KIF20B: variants seen among roughly 807,000 people sequenced by gnomAD.
The protein encoded by KIF20B is kinesin family member 20B.
In KIF20B, 188 loss-of-function variants were observed where a neutral mutation model predicts 232.5. The observed-to-expected ratio is 0.81, with a 90% CI of 0.72 to 0.91. KIF20B has a LOEUF of 0.91. KIF20B is among the 40% of genes least tolerant of loss of function. KIF20B has a pLI of 0.00. For missense variants in KIF20B, 2,154 were observed against 2,055.9 expected, an observed-to-expected ratio of 1.05 and a Z score of -0.92; for synonymous variants, 712 against 683.0, an observed-to-expected ratio of 1.04 and a Z score of -0.66.
chr10:89,749,092 G>T (rs1011696504), intron 23 of KIF20B, among the ~76,000 whole-genome samples: 1 of 152,066 alleles, frequency 6.6e-6, no homozygotes, highest in African/African-American at 2.4e-5. Context: ...CAGCTTTTAT[G>T]ATCTATTCTG....
rs1046975138 is a variant in KIF20B, at chr10:89,709,222, T to G, written c.203T>G (p.Phe68Cys). Reference protein sequence around the residue: ...YLQVCLRIRPFTQSEKELESE... With the variant: ...YLQVCLRIRPCTQSEKELESE... ...CAGGTTTGTCTTCGAATAAGACCAT[T>G]TACACAGTCAGAAAAAGAACTTGAG... Residue 68 changes from phenylalanine (F) to cysteine (C), a missense_variant, in exon 3 of 33, where the codon TTT (phenylalanine) becomes TGT (cysteine). Physicochemically the swap from Phe to Cys is radical, Grantham distance 205. Coordinates refer to ENST00000371728, the MANE Select transcript of KIF20B (RefSeq NM_001284259.2). The G allele has an allele frequency of 3.7e-6, 6 of 1,611,020 alleles. No homozygotes were observed. Among genetic ancestry groups the G allele is most frequent in the Non-Finnish European group, 5.1e-6 (6 of 1,178,084 alleles).
chr10:89,711,039 A>T lies in KIF20B; in HGVS notation c.569A>T (p.Lys190Met), dbSNP rs1842828231. Residue 190 changes from lysine to methionine, a missense_variant, in exon 6 of 33, where the codon AAG (lysine) becomes ATG (methionine). Physicochemically the swap from Lys to Met is moderately conservative, Grantham distance 95. Coordinates refer to ENST00000371728, the MANE Select transcript of KIF20B (RefSeq NM_001284259.2). ...AGTCTTCAAGAAAGACTGTATACAAAGATGAACCTTAAACCACATAGATCC... is the reference window on the plus strand; with the variant it reads ...AGTCTTCAAGAAAGACTGTATACAATGATGAACCTTAAACCACATAGATCC... ...FDSLQERLYT[K>M]MNLKPHRSRE... The T allele has an allele frequency of 3.1e-6, 5 of 1,610,110 alleles. No individual in the cohort carries two copies. The highest frequency in any genetic ancestry group is 4.2e-6 in the Non-Finnish European group (5 of 1,177,856).
At chr10:89,733,251 A>G (rs1843369165) in intron 19 of KIF20B, 195 bp downstream of exon 19, 1 of 490,278 alleles carries the variant, frequency 2.0e-6, no homozygotes, top group African/African-American at 1.9e-5. Context: ...CTTAATAAAT[A>G]TGCTTTTAGA....
At chr10:89,727,960 G>A in intron 17 of KIF20B, 64 bp downstream of exon 17, 1 of 1,360,282 alleles carries the variant, frequency 7.4e-7, no homozygotes, top group South Asian at 1.4e-5. Context: ...TATGAATGAT[G>A]ACTAGATTTG....
rs770882532 is a variant in KIF20B, at chr10:89,737,626, TTAAG to T, written c.2789_2792del (p.Ser930LysfsTer32). The stretch of plus-strand genomic sequence containing the variant: ...TCTTTCTGAAAAAAAGAATTTAACT[TTAAG>T]TAAAGAGGTCCAACAAATTCAGTCA... On this transcript the variant is annotated frameshift_variant, in exon 20 of 33. Coordinates refer to ENST00000371728, the MANE Select transcript of KIF20B (RefSeq NM_001284259.2). LOFTEE classifies it high-confidence loss of function. The T allele has an allele frequency of 3.5e-5, 56 of 1,607,760 alleles. No homozygotes were observed. The highest frequency in any genetic ancestry group is 1.7e-4 in the Middle Eastern group (1 of 6,060).
intron 18 of KIF20B, among the ~76,000 whole-genome samples, chr10:89,730,000 C>T (rs981460352): frequency 3.9e-4 from 60 of 152,042 alleles, no homozygotes; most frequent in Non-Finnish European, 6.2e-4. Context: ...AAGAAGCAGG[C>T]GTGGTATCTT....
intron 25 of KIF20B, among the ~76,000 whole-genome samples, chr10:89,753,011 A>C (rs1209238805): frequency 2.0e-5 from 3 of 152,174 alleles, no homozygotes; most frequent in African/African-American, 7.2e-5. Flanking sequence ...CTTACTCATC[A>C]AATACTGCTG....
In KIF20B at chr10:89,705,329, G is replaced by A. The variant is rs761585032; in HGVS notation, c.35G>A (p.Arg12Gln). Reference protein sequence around the residue: ...ESNFNQEGVPRPSYVFSADPI... With the variant: ...ESNFNQEGVPQPSYVFSADPI... ...AATTTTAATCAAGAGGGAGTACCTCGACCATCTTATGTTTTTAGTGCTGAC... is the reference window on the plus strand; with the variant it reads ...AATTTTAATCAAGAGGGAGTACCTCAACCATCTTATGTTTTTAGTGCTGAC... Residue 12 changes from arginine to glutamine, a missense_variant, in exon 2 of 33, where the codon CGA (arginine) becomes CAA (glutamine). By Grantham distance (43) the Arg-to-Gln change is conservative. Transcript: ENST00000371728. 8 of 1,613,918 alleles carry A rather than the reference G, an allele frequency of 5.0e-6. No individual in the cohort carries two copies. Among genetic ancestry groups the A allele is most frequent in the Non-Finnish European group, 6.8e-6 (8 of 1,179,896 alleles).
chr10:89,760,642 T>A lies in KIF20B; in HGVS notation c.4791+6T>A. 6.7e-7 allele frequency: 1 copy of A among 1,482,286 alleles called. No individual in the cohort carries two copies. 91.8% of individuals were successfully genotyped at this position (1,482,286 alleles called of 1,614,324 possible). A position where few individuals can be genotyped will look rare whatever the true frequency, so the allele number is the denominator to read the frequency against. On this transcript the variant is annotated splice_donor_region_variant and intron_variant, in intron 28 of 32. Transcript: ENST00000371728. ...TTTCCAGAAATAAAATAGAGGTGGG[T>A]ATTTGGCAGCACAGTCCACTTATTT...
intron 6 of KIF20B, among the ~76,000 whole-genome samples, chr10:89,711,750 A>T (rs1443793721): frequency 2.0e-5 from 3 of 152,024 alleles, no homozygotes; most frequent in Admixed American, 2.0e-4. Flanking sequence ...CATTTAGCGT[A>T]TCTTAAATCT....
chr10:89,738,832 A>G, intron 20 of KIF20B, 126 bp from the exon 21 acceptor site: 1 of 1,215,868 alleles, frequency 8.2e-7, no homozygotes, highest in Non-Finnish European at 1.1e-6. Context: ...TGAAGAACTC[A>G]TTCATAGTTT....
At chr10:89,740,159 T>C (rs548680539) in intron 21 of KIF20B, among the ~76,000 whole-genome samples, 2 of 152,224 alleles carry the variant, frequency 1.3e-5, no homozygotes, top group South Asian at 4.1e-4. Context: ...CAGCTTCTAT[T>C]CATATTTTTA....
At chr10:89,736,186 A>G (rs960094159) in intron 19 of KIF20B, among the ~76,000 whole-genome samples, 1 of 152,190 alleles carries the variant, frequency 6.6e-6, no homozygotes, top group Non-Finnish European at 1.5e-5. Context: ...AACAGGAAAA[A>G]ATTTCTAAAA....
In KIF20B at chr10:89,772,780, G is replaced by A. The variant is rs1309273218; in HGVS notation, c.5334G>A (p.Arg1778=). Residue 1778 remains arginine, a synonymous_variant, in exon 32 of 33, where the codon CGG becomes CGA. Coordinates refer to ENST00000371728, the MANE Select transcript of KIF20B (RefSeq NM_001284259.2). ...ENVSQPKRAK[R]KLYTSEISSP... ...TGTCTCAACCAAAACGAGCCAAACGGAAATTATACACAAGTGAAATTTCAT... is the reference window on the plus strand; with the variant it reads ...TGTCTCAACCAAAACGAGCCAAACGAAAATTATACACAAGTGAAATTTCAT... 6 of 1,610,810 alleles carry A rather than the reference G, an allele frequency of 3.7e-6. 1 individual carries two copies. The South Asian group carries it at 6.6e-5, about 18-fold the overall frequency.
Position 89,763,797 on chromosome 10 carries a change from G to A in KIF20B, c.4989+962G>A, listed in dbSNP as rs577125390. On this transcript the variant is annotated intron_variant, in intron 29 of 32. Transcript: ENST00000371728. ...AAAATGCTTCGCTTTTGCTCTGCAA[G>A]TGGCAGTTACATTTATTAATATAAC... is the stretch of plus-strand genomic sequence containing the variant. Among the ~76,000 whole-genome samples the A allele has an allele frequency of 3.3e-5, 5 of 150,478 alleles. No homozygotes were observed. In the East Asian group the frequency reaches 5.8e-4, roughly 18 times the overall value.
chr10:89,727,842 C>G lies in KIF20B; in HGVS notation c.2231-14C>G. On this transcript the variant is annotated splice_polypyrimidine_tract_variant and intron_variant, in intron 16 of 32. Coordinates refer to ENST00000371728, the MANE Select transcript of KIF20B (RefSeq NM_001284259.2). The stretch of plus-strand genomic sequence containing the variant: ...TGCTTAGATATTTATTTTCAATGTT[C>G]TTTATTTTTTCAGAATCAGATTCAT... 1.3e-6 allele frequency: 2 copies of G among 1,537,022 alleles called. No individual in the cohort carries two copies. Among genetic ancestry groups the G allele is most frequent in the Non-Finnish European group, 1.8e-6 (2 of 1,124,552 alleles).
chr10:89,760,319 A>G (rs1477133537), intron 27 of KIF20B, among the ~76,000 whole-genome samples: 1 of 152,194 alleles, frequency 6.6e-6, no homozygotes, highest in Non-Finnish European at 1.5e-5. Context: ...ATCAGAGTCA[A>G]TAAACTGGAA....
At chr10:89,747,895 TAATAA>T (rs200424073) in intron 23 of KIF20B, among the ~76,000 whole-genome samples, 4,544 of 142,776 alleles carry the variant, frequency 0.032, 361 homozygotes, top group East Asian at 0.28. Context: ...ATAATAATAA[TAATAA>T]AATTTTTAAA....
rs769222381 is a variant in KIF20B at position 89,737,541 on chromosome 10, T to C, written c.2700T>C (p.Asn900=). 6.2e-7 allele frequency: 1 copy of C among 1,607,938 alleles called. No individual in the cohort carries two copies. The highest frequency in any genetic ancestry group is 8.5e-7 in the Non-Finnish European group (1 of 1,177,610). ...TCACTATTGAGAATGAACTTAAAAA[T>C]GAAAAGGAAGAAAAAGCAGAATTAA... ...FLLTIENELK[N]EKEEKAELNK... Residue 900 remains asparagine, a synonymous_variant, in exon 20 of 33, where the codon AAT becomes AAC. Coordinates refer to ENST00000371728, the MANE Select transcript of KIF20B (RefSeq NM_001284259.2).
Sources: allele counts gnomAD v4.1 joint callset (sites outside exome capture counted in the v4.1 genomes callset), GRCh38; gene constraint gnomAD v4.1.1; transcripts MANE v1.5; gene names NCBI Gene and HGNC (gene_info 2026-07-23, HGNC 2026-07-21).